Variants in SLC35F4 observed in about 807,000 individuals in gnomAD.
The protein encoded by SLC35F4 is chromosome 14 open reading frame 36.
A neutral mutation model predicts 44.2 loss-of-function variants in SLC35F4; 24 were observed. The observed-to-expected ratio is 0.54, with a 90% CI of 0.39 to 0.76. The LOEUF is 0.76. Ranked by LOEUF, SLC35F4 falls within the 30% of genes least tolerant of loss-of-function variation. The pLI is 0.00. For synonymous variants in SLC35F4, 238 were observed against 223.6 expected (o/e 1.06, Z -0.57); for missense variants, 562 against 586.1 (o/e 0.96, Z 0.42).
chr14:57,600,691 C>CAAAAAAAAA (rs67819924), intron 1 of SLC35F4, among the ~76,000 whole-genome samples: 35 of 55,388 alleles, frequency 6.3e-4, no homozygotes, highest in South Asian at 2.7e-3. Context: ...GACTCCATCT[C>CAAAAAAAAA]AAAAAAAAAA....
At chr14:57,822,743 C>A (rs561066711) in intron 1 of SLC35F4, among the ~76,000 whole-genome samples, 1 of 152,238 alleles carries the variant, frequency 6.6e-6, no homozygotes, top group South Asian at 2.1e-4. Flanking sequence ...AATAACCTAC[C>A]CTAAAATTCT....
chr14:57,896,047 A>C (rs1888861867), intron 1 of SLC35F4, among the ~76,000 whole-genome samples: 1 of 152,150 alleles, frequency 6.6e-6, no homozygotes, highest in African/African-American at 2.4e-5. Context: ...GACGCTCTTT[A>C]CCCCAAAATG....
intron 3 of SLC35F4, among the ~76,000 whole-genome samples, chr14:57,586,714 T>G (rs2069751742): frequency 2.2e-5 from 1 of 45,774 alleles, no homozygotes; most frequent in Non-Finnish European, 3.6e-5. Flanking sequence ...CGAGACTCTG[T>G]CTCAAAAAAA....
intron 1 of SLC35F4, among the ~76,000 whole-genome samples, chr14:57,813,173 T>C (rs938643713): frequency 1.1e-4 from 16 of 152,326 alleles, no homozygotes; most frequent in African/African-American, 3.8e-4. Context: ...CCACCAATTA[T>C]GCAGTAGAAC....
At chr14:57,898,712 G>C (rs1888936792) in intron 1 of SLC35F4, among the ~76,000 whole-genome samples, 1 of 152,214 alleles carries the variant, frequency 6.6e-6, no homozygotes, top group African/African-American at 2.4e-5. Context: ...ACTTCAGTAA[G>C]AGCCCTATTG....
At chr14:57,818,267 T>G (rs2140904015) in intron 1 of SLC35F4, among the ~76,000 whole-genome samples, 1 of 152,274 alleles carries the variant, frequency 6.6e-6, no homozygotes. Context: ...CCTGTCAGCA[T>G]TCCGCTCAGT....
chr14:57,936,841 G>C (rs1889805624), intron 1 of SLC35F4, among the ~76,000 whole-genome samples: 1 of 152,102 alleles, frequency 6.6e-6, no homozygotes, highest in Non-Finnish European at 1.5e-5. Context: ...GAGCATTCCA[G>C]GAGAGAATTT....
At chr14:57,932,772 C>A (rs1360206481) in intron 1 of SLC35F4, among the ~76,000 whole-genome samples, 1 of 152,056 alleles carries the variant, frequency 6.6e-6, no homozygotes, top group East Asian at 1.9e-4. Context: ...TTGCTTGAAT[C>A]CAGGGGGCAG....
At chr14:57,824,366 T>C (rs951768217) in intron 1 of SLC35F4, among the ~76,000 whole-genome samples, 1 of 152,118 alleles carries the variant, frequency 6.6e-6, no homozygotes, top group Non-Finnish European at 1.5e-5. Context: ...CTTGGTCTAG[T>C]TGGAGGACAA....
At chr14:57,642,853 T>A (rs1427213383) in intron 1 of SLC35F4, among the ~76,000 whole-genome samples, 3 of 151,986 alleles carry the variant, frequency 2.0e-5, no homozygotes, top group Non-Finnish European at 4.4e-5. Flanking sequence ...ATAAAACATT[T>A]AATTATTTAG....
chr14:57,857,014 G>T (rs149699579), intron 1 of SLC35F4, among the ~76,000 whole-genome samples: 2,127 of 152,022 alleles, frequency 0.014, 90 homozygotes, highest in African/African-American at 0.046. Context: ...GGTGGCTCAC[G>T]CCTGTAATCC....
rs1354463145 is a variant in SLC35F4, at chr14:57,880,277, A to G, written n.282+101636T>C. On this transcript the variant is annotated intron_variant and non_coding_transcript_variant, in intron 1 of 1. Coordinates refer to the SLC35F4 transcript ENST00000556568. The stretch of plus-strand genomic sequence containing the variant: ...GTTTGCATGTAGTAAGAACTCAGTA[A>G]ATGTAAAATAGTATTATCATATGAA... Among the ~76,000 whole-genome samples the G allele has an allele frequency of 2.6e-5, 4 of 152,190 alleles. No homozygotes were observed. In the South Asian group the frequency reaches 8.3e-4, roughly 32 times the overall value.
intron 1 of SLC35F4, among the ~76,000 whole-genome samples, chr14:57,712,843 A>T (rs2075847277): frequency 6.6e-6 from 1 of 152,228 alleles, no homozygotes; most frequent in Non-Finnish European, 1.5e-5. Flanking sequence ...TGATGTAAAC[A>T]ATTTTAAAGA....
chr14:57,742,744 C>G (rs1277525641), intron 1 of SLC35F4, among the ~76,000 whole-genome samples: 1 of 152,206 alleles, frequency 6.6e-6, no homozygotes, highest in Non-Finnish European at 1.5e-5. Context: ...CTACAGAACT[C>G]TCCACCCCAA....
At chr14:57,674,811 G>A (rs2074636274) in intron 1 of SLC35F4, among the ~76,000 whole-genome samples, 1 of 152,048 alleles carries the variant, frequency 6.6e-6, no homozygotes, top group Non-Finnish European at 1.5e-5. Context: ...TTCCTACAGA[G>A]TGACATGAAG....
At chr14:57,939,831 C>G (rs1335079322) in intron 1 of SLC35F4, among the ~76,000 whole-genome samples, 1 of 152,116 alleles carries the variant, frequency 6.6e-6, no homozygotes, top group African/African-American at 2.4e-5. Flanking sequence ...CATTTGCAAC[C>G]ACAATATATA....
At chr14:57,647,386 T>A (rs1302021497) in intron 1 of SLC35F4, among the ~76,000 whole-genome samples, 3 of 152,186 alleles carry the variant, frequency 2.0e-5, no homozygotes, top group Non-Finnish European at 4.4e-5. Context: ...GATGGCCTTC[T>A]TTGTCTCTTT....
intron 1 of SLC35F4, among the ~76,000 whole-genome samples, chr14:57,655,301 G>A (rs959481893): frequency 3.0e-4 from 45 of 152,112 alleles, no homozygotes; most frequent in Non-Finnish European, 5.9e-5. Context: ...TGTTTGGGGA[G>A]GTGGGAGGCA....
intron 1 of SLC35F4, among the ~76,000 whole-genome samples, chr14:57,623,123 CAAGCAAATGGA>C (rs1203726720): frequency 6.6e-6 from 1 of 152,062 alleles, no homozygotes; most frequent in Non-Finnish European, 1.5e-5. Flanking sequence ...GAATATTTAA[CAAGCAAATGGA>C]AAGCAAAAAA....
Sources: allele counts gnomAD v4.1 joint callset (sites outside exome capture counted in the v4.1 genomes callset), GRCh38; gene constraint gnomAD v4.1.1; transcripts MANE v1.5; gene names NCBI Gene and HGNC (gene_info 2026-07-23, HGNC 2026-07-21).